Variants in ZNF469 observed in about 807,000 individuals in gnomAD.
ZNF469 encodes zinc finger protein 469.
In ZNF469, 1 loss-of-function variant was observed where a neutral mutation model predicts 1.0. The observed-to-expected ratio is 1.00, with a 90% CI of 0.35 to 4.73. ZNF469 has a LOEUF of 4.73. Among genes scored for constraint, ZNF469 ranks in the 30% most tolerant of loss-of-function variants. The pLI is 0.16. For missense variants in ZNF469, 6,100 were observed against 5,356.3 expected, an observed-to-expected ratio of 1.14 and a Z score of -4.33; for synonymous variants, 2,703 against 2,363.4, an observed-to-expected ratio of 1.14 and a Z score of -4.17.
the ZNF469 span, among the ~76,000 whole-genome samples, chr16:88,291,655 C>T: frequency 6.6e-6 from 1 of 152,050 alleles, no homozygotes; most frequent in Non-Finnish European, 1.5e-5. Context: ...ATGCAGACGC[C>T]CCCCTTCATA....
At chr16:88,420,546 G>A (rs1213833425) in intron 1 of ZNF469, among the ~76,000 whole-genome samples, 2 of 152,220 alleles carry the variant, frequency 1.3e-5, no homozygotes, top group Non-Finnish European at 2.9e-5. Context: ...CCCAGGCCTG[G>A]TCCCCAGGGG....
At chr16:88,401,675 GTGCATGGATGGA>G (rs1904869955) in intron 1 of ZNF469, among the ~76,000 whole-genome samples, 1 of 66,074 alleles carries the variant, frequency 1.5e-5, no homozygotes, top group African/African-American at 5.9e-5. Flanking sequence ...GGATGGGTGA[GTGCATGGATGGA>G]TGGATGGATG....
the ZNF469 span, among the ~76,000 whole-genome samples, chr16:88,309,810 C>A: frequency 5.1e-4 from 77 of 152,284 alleles, no homozygotes; most frequent in African/African-American, 1.8e-3. Context: ...TGCTGGCCTC[C>A]AAGCCCCTCT....
chr16:88,172,173 C>A, the ZNF469 span, among the ~76,000 whole-genome samples: 3 of 152,152 alleles, frequency 2.0e-5, no homozygotes, highest in Non-Finnish European at 4.4e-5. Context: ...GAAAGCACTG[C>A]CCAAAGAGAG....
chr16:88,391,690 C>T (rs866929108), intron 1 of ZNF469, among the ~76,000 whole-genome samples: 13 of 152,360 alleles, frequency 8.5e-5, no homozygotes, highest in Middle Eastern at 3.4e-3. Flanking sequence ...CCACGGCAAG[C>T]ACCCGACACA....
At chr16:88,418,777 A>G (rs899751363) in intron 1 of ZNF469, among the ~76,000 whole-genome samples, 4 of 152,160 alleles carry the variant, frequency 2.6e-5, no homozygotes, top group Non-Finnish European at 5.9e-5. Flanking sequence ...CATATCTCAG[A>G]TATAATTTTA....
chr16:88,101,481 T>A, the ZNF469 span, among the ~76,000 whole-genome samples: 153 of 152,040 alleles, frequency 1.0e-3, 1 homozygote, highest in African/African-American at 3.5e-3. Context: ...AGCGCCCGGG[T>A]TGGGATATGC....
chr16:88,435,590 C>T lies in ZNF469; in HGVS notation c.8120C>T (p.Ala2707Val), dbSNP rs1032239443. 7 of 1,550,070 alleles carry T rather than the reference C, an allele frequency of 4.5e-6. No homozygotes were observed. Among genetic ancestry groups the T allele is most frequent in the Non-Finnish European group, 5.2e-6 (6 of 1,146,910 alleles). The change falls in exon 3 of 3, where the codon GCG (alanine) becomes GTG (valine). Residue 2707 changes from alanine to valine, a missense_variant. Transcript: ENST00000565624. ...TLGPGVMEGA[A>V]ETDQEALCAG... ...GGACCTGGGGTGATGGAGGGTGCAG[C>T]GGAGACTGACCAGGAGGCTCTGTGT... is the stretch of plus-strand genomic sequence containing the variant.
chr16:88,272,096 T>G, the ZNF469 span, among the ~76,000 whole-genome samples: 4 of 150,904 alleles, frequency 2.7e-5, no homozygotes, highest in Non-Finnish European at 2.9e-5. Context: ...GATGGATGAA[T>G]AGATGAGTGG....
chr16:88,384,540 C>G lies in ZNF469; in HGVS notation c.-192+1286C>G, dbSNP rs570214020. The stretch of plus-strand genomic sequence containing the variant: ...TGGCCTGGGAGACGTGTCTTCCATG[C>G]CATGCGCCTGGCAGGTCCCAGACCA... On this transcript the variant is annotated intron_variant, in intron 1 of 2. Transcript: ENST00000565624. Among the ~76,000 whole-genome samples, 13 of 152,340 alleles carry G rather than the reference C, an allele frequency of 8.5e-5. No homozygotes were observed. The South Asian group carries it at 1.7e-3, about 19-fold the overall frequency.
At chr16:88,239,705 ATATATATATATTTTTTTTTTTTTTTT>A in the ZNF469 span, among the ~76,000 whole-genome samples, 10 of 5,850 alleles carry the variant, frequency 1.7e-3, no homozygotes, top group East Asian at 0.031. Context: ...ATATATATAT[ATATATATATATTTTTTTTTTTTTTTT>A]TTTTTTTTTT....
the ZNF469 span, among the ~76,000 whole-genome samples, chr16:88,360,962 T>C: frequency 2.0e-5 from 3 of 152,248 alleles, no homozygotes; most frequent in African/African-American, 4.8e-5. Flanking sequence ...ATTACTTTTA[T>C]TGTGCACATT....
the ZNF469 span, among the ~76,000 whole-genome samples, chr16:88,285,358 G>A: frequency 6.6e-6 from 1 of 152,266 alleles, no homozygotes; most frequent in South Asian, 2.1e-4. Context: ...CTCGGCATCT[G>A]TGCAGGGGAT....
chr16:88,241,235 T>A, the ZNF469 span, among the ~76,000 whole-genome samples: 2 of 152,026 alleles, frequency 1.3e-5, no homozygotes, highest in African/African-American at 4.8e-5. The surrounding 1 kb of genome is among the most constrained non-coding windows in gnomAD (Gnocchi z 4.8). Flanking sequence ...GGCACGCACC[T>A]GTAATCCCAG....
the ZNF469 span, among the ~76,000 whole-genome samples, chr16:88,264,828 G>A: frequency 6.6e-5 from 10 of 152,086 alleles, no homozygotes; most frequent in South Asian, 1.9e-3. Flanking sequence ...GCACCCTCGC[G>A]CCAGGCACAG....
chr16:88,432,129 T>C lies in ZNF469; in HGVS notation c.4659T>C (p.Leu1553=). The C allele has an allele frequency of 6.4e-7, 1 of 1,550,408 alleles. No homozygotes were observed. The highest frequency in any genetic ancestry group is 8.7e-7 in the Non-Finnish European group (1 of 1,146,990). The part of the protein sequence containing the change: ...PGKGSGCSVA[L]MSHLSEDELE... ...AGGGGAGTGGATGTAGCGTTGCTCTTATGAGTCACCTGTCCGAGGATGAAC... is the reference window on the plus strand; with the variant it reads ...AGGGGAGTGGATGTAGCGTTGCTCTCATGAGTCACCTGTCCGAGGATGAAC... Residue 1553 remains leucine (L), a synonymous_variant, in exon 3 of 3, where the codon CTT becomes CTC. Transcript: ENST00000565624.
the ZNF469 span, among the ~76,000 whole-genome samples, chr16:88,351,340 T>C: frequency 6.6e-6 from 1 of 152,118 alleles, no homozygotes; most frequent in Non-Finnish European, 1.5e-5. Context: ...TGAGACCTTC[T>C]TCTGCCCCAC....
At chr16:88,247,859 G>A in the ZNF469 span, among the ~76,000 whole-genome samples, 8 of 152,372 alleles carry the variant, frequency 5.3e-5, no homozygotes, top group African/African-American at 1.7e-4. Context: ...CTGCTTGGGT[G>A]AACCCAGCTC....
chr16:88,235,552 G>A, the ZNF469 span, among the ~76,000 whole-genome samples: 1 of 152,334 alleles, frequency 6.6e-6, no homozygotes, highest in East Asian at 1.9e-4. Flanking sequence ...CTGTATCAGG[G>A]GTTTTCAGTA....
Sources: allele counts gnomAD v4.1 joint callset (sites outside exome capture counted in the v4.1 genomes callset), GRCh38; gene constraint gnomAD v4.1.1; non-coding constraint Gnocchi (gnomAD v3.1); transcripts MANE v1.5; gene names NCBI Gene and HGNC (gene_info 2026-07-23, HGNC 2026-07-21).